The following ITGA1 variants were observed in gnomAD, a reference collection of about 807,000 sequenced individuals.
The protein encoded by ITGA1 is integrin alpha-1.
Under a neutral mutation model 145.9 loss-of-function variants are expected in ITGA1, and 85 were observed. That is an observed-to-expected ratio of 0.58 (90% confidence interval 0.49 to 0.70). ITGA1 has a LOEUF of 0.70. Among genes scored for constraint, ITGA1 ranks in the 30% least tolerant of loss-of-function variants. The probability of loss-of-function intolerance (pLI) is 0.00; values close to 1 mark genes in which losing one functional copy is unlikely to be tolerated. For synonymous variants in ITGA1, 520 were observed against 495.3 expected, an observed-to-expected ratio of 1.05 and a Z score of -0.66; for missense variants, 1,351 against 1,418.7, an observed-to-expected ratio of 0.95 and a Z score of 0.77.
At chr5:52,898,701 G>T (rs964229450) in intron 11 of ITGA1, among the ~76,000 whole-genome samples, 6 of 152,090 alleles carry the variant, frequency 3.9e-5, no homozygotes, top group Admixed American at 6.6e-5. Flanking sequence ...TTTGAACCTG[G>T]TGGACAAGAA....
chr5:52,955,168 AAAC>A lies in ITGA1; in HGVS notation c.*2719_*2721del, dbSNP rs1382449982. On this transcript the variant is annotated 3_prime_UTR_variant, in exon 29 of 29. Transcript: ENST00000282588. ...ACACACTGTCCAGGAGGGAAAAAAA[AAAC>A]AGTCTCTGATTTGTATCATTTGCCA... 6.6e-6 allele frequency: 1 copy of A among 151,734 alleles called. No homozygotes were observed. The highest frequency in any genetic ancestry group is 1.5e-5 in the Non-Finnish European group (1 of 67,892). 9.4% of individuals were successfully genotyped at this position (151,734 alleles called of 1,614,324 possible).
rs1751271991 is a variant in ITGA1, at chr5:52,954,330, T to A, written c.*1879T>A. The A allele has an allele frequency of 2.0e-5, 3 of 152,210 alleles. No individual in the cohort carries two copies. The South Asian group carries it at 6.2e-4, about 32-fold the overall frequency. The allele number at this position is 152,210 out of a possible 1,614,324, so 9.4% of individuals were successfully genotyped here. A position where few individuals can be genotyped will look rare whatever the true frequency, so the allele number is the denominator to read the frequency against. On this transcript the variant is annotated 3_prime_UTR_variant, in exon 29 of 29. Transcript: ENST00000282588. ...TCTGATCTCAGCAAGATCTTAGTAG[T>A]AAAGCTAACGGATCCATTGAAATTC...
At position 52,956,338 on chromosome 5, in the gene ITGA1, A is replaced by T. The variant is rs2111569762; in HGVS notation, c.*3887A>T. The T allele has an allele frequency of 1.3e-5, 2 of 152,342 alleles. 1 individual carries two copies. The highest frequency in any genetic ancestry group is 4.1e-4 in the South Asian group (2 of 4,824). 9.4% of individuals were successfully genotyped at this position (152,342 alleles called of 1,614,324 possible). ...GTGCAGTCACATTATTGTTAAAATA[A>T]AGTGGCTTCTGACAAATCAGTTTTT... On this transcript the variant is annotated 3_prime_UTR_variant, in exon 29 of 29. Coordinates refer to ENST00000282588, the MANE Select transcript of ITGA1 (RefSeq NM_181501.2).
At chr5:52,876,035 T>C (rs1275758273) in intron 6 of ITGA1, among the ~76,000 whole-genome samples, 1 of 152,174 alleles carries the variant, frequency 6.6e-6, no homozygotes, top group Non-Finnish European at 1.5e-5. Flanking sequence ...GGCTTTCAGA[T>C]TCAGGAAGCT....
At chr5:52,919,260 ACCATGACTCTTC>A (rs1274954403) in intron 16 of ITGA1, among the ~76,000 whole-genome samples, 6 of 152,138 alleles carry the variant, frequency 3.9e-5, no homozygotes, top group African/African-American at 1.4e-4. Flanking sequence ...GTAGGTTTCT[ACCATGACTCTTC>A]TCTCCCTTCT....
intron 6 of ITGA1, among the ~76,000 whole-genome samples, chr5:52,879,062 G>A (rs890392601): frequency 6.6e-6 from 1 of 151,936 alleles, no homozygotes; most frequent in Non-Finnish European, 1.5e-5. Context: ...CAAAAAGAAG[G>A]ACATTTGAAA....
intron 1 of ITGA1, among the ~76,000 whole-genome samples, chr5:52,836,334 T>C (rs1438367089): frequency 6.6e-6 from 1 of 152,230 alleles, no homozygotes; most frequent in East Asian, 1.9e-4. Context: ...AAGTGGACTG[T>C]GGACAAGTCC....
chr5:52,791,340 T>C (rs73092764), intron 1 of ITGA1, among the ~76,000 whole-genome samples: 9,876 of 152,210 alleles, frequency 0.065, 1,071 homozygotes, highest in African/African-American at 0.22. Context: ...TGACCATTCC[T>C]AGGCCTGAGG....
chr5:52,799,389 GCGACCCAACCCCCAA>G (rs1328706978), intron 1 of ITGA1, among the ~76,000 whole-genome samples: 2 of 152,028 alleles, frequency 1.3e-5, no homozygotes, highest in Non-Finnish European at 2.9e-5. Flanking sequence ...CTAAGCTCTT[GCGACCCAACCCCCAA>G]CCTAAACATT....
intron 1 of ITGA1, among the ~76,000 whole-genome samples, chr5:52,819,225 G>C (rs936702012): frequency 3.3e-5 from 5 of 152,094 alleles, no homozygotes; most frequent in African/African-American, 9.7e-5. Context: ...TCACCACACT[G>C]ACTTCCACAA....
At chr5:52,852,000 G>A (rs1191698865) in intron 2 of ITGA1, among the ~76,000 whole-genome samples, 2 of 152,162 alleles carry the variant, frequency 1.3e-5, no homozygotes, top group Admixed American at 6.5e-5. Flanking sequence ...GTGCAGAATA[G>A]ACTATAAATT....
At chr5:52,930,696 A>G (rs1346984097) in intron 21 of ITGA1, among the ~76,000 whole-genome samples, 1 of 152,178 alleles carries the variant, frequency 6.6e-6, no homozygotes, top group African/African-American at 2.4e-5. Flanking sequence ...AGGTCACTGA[A>G]TAGCACCAGG....
At chr5:52,798,531 C>T (rs1038152275) in intron 1 of ITGA1, among the ~76,000 whole-genome samples, 3 of 152,084 alleles carry the variant, frequency 2.0e-5, no homozygotes, top group Non-Finnish European at 2.9e-5. Context: ...CAGGTCTATG[C>T]CTTTCTGGGA....
At chr5:52,874,176 A>G (rs887353135) in intron 6 of ITGA1, among the ~76,000 whole-genome samples, 1 of 152,158 alleles carries the variant, frequency 6.6e-6, no homozygotes, top group Non-Finnish European at 1.5e-5. Context: ...GGGTCATAAC[A>G]TGGTGGAGAA....
At chr5:52,864,486 G>C (rs767929739) in intron 3 of ITGA1, among the ~76,000 whole-genome samples, 6 of 152,128 alleles carry the variant, frequency 3.9e-5, no homozygotes, top group African/African-American at 7.2e-5. Context: ...TAGCAAGAAC[G>C]TGCAAAAAGC....
chr5:52,922,713 A>G (rs2111875168), intron 17 of ITGA1, 64 bp from the exon 18 acceptor site: 2 of 1,022,954 alleles, frequency 2.0e-6, no homozygotes, highest in South Asian at 1.4e-5. Flanking sequence ...AGAAGGAGAC[A>G]TAACAAGATC....
intron 1 of ITGA1, among the ~76,000 whole-genome samples, chr5:52,822,230 T>C (rs1198442599): frequency 6.6e-6 from 1 of 152,246 alleles, no homozygotes; most frequent in African/African-American, 2.4e-5. Context: ...TTCTACTTGA[T>C]AGACTTGGAA....
intron 1 of ITGA1, chr5:52,802,846 C>G (rs1449451119): frequency 1.3e-5 from 2 of 152,170 alleles, no homozygotes; most frequent in Non-Finnish European, 2.9e-5. Context: ...TTGACTTAAA[C>G]TCCAATACTC....
chr5:52,866,182 T>A (rs1157226291), intron 6 of ITGA1, among the ~76,000 whole-genome samples: 1 of 152,118 alleles, frequency 6.6e-6, no homozygotes, highest in Non-Finnish European at 1.5e-5. Context: ...ACCTGGCTAA[T>A]TTTTTAAATT....
Sources: allele counts gnomAD v4.1 joint callset (sites outside exome capture counted in the v4.1 genomes callset), GRCh38; gene constraint gnomAD v4.1.1; transcripts MANE v1.5; gene names NCBI Gene and HGNC (gene_info 2026-07-23, HGNC 2026-07-21).